The following RPS17 variants were observed in gnomAD, a reference collection of about 807,000 sequenced individuals.
RPS17 encodes small ribosomal subunit protein eS17.
For synonymous variants in RPS17, 75 were observed against 65.6 expected, an observed-to-expected ratio of 1.14 and a Z score of -0.70; for missense variants, 68 against 182.3, an observed-to-expected ratio of 0.37 and a Z score of 3.61.
At chr15:82,537,319 G>A (rs1274261088) in intron 4 of RPS17, 4 of 291,526 alleles carry the variant, frequency 1.4e-5, no homozygotes, top group East Asian at 8.2e-5. Context: ...CTATGAGAAC[G>A]AAAAATGTGT....
intron 1 of RPS17, 91 bp from the exon 2 acceptor site, chr15:82,540,223 C>G (rs1359948539): frequency 6.2e-7 from 1 of 1,610,544 alleles, no homozygotes; most frequent in Non-Finnish European, 8.5e-7. Context: ...GGTTGGGGAC[C>G]GCCGGCTGCG....
intron 2 of RPS17, 44 bp downstream of exon 2, chr15:82,539,937 A>C (rs1350291518): frequency 6.2e-7 from 1 of 1,611,790 alleles, no homozygotes; most frequent in Admixed American, 1.7e-5. Flanking sequence ...CAGAGCACAC[A>C]AACAGATCGC....
At chr15:82,537,229 A>G (rs1476194974) in intron 4 of RPS17, 5 of 412,540 alleles carry the variant, frequency 1.2e-5, no homozygotes, top group African/African-American at 1.0e-4. Context: ...TCTTTGTTAT[A>G]GGCAGCTGTA....
At chr15:82,539,371 T>G in intron 2 of RPS17, 2 of 467,538 alleles carry the variant, frequency 4.3e-6, no homozygotes, top group Non-Finnish European at 8.5e-6. Flanking sequence ...GAACAGTAAC[T>G]GCAACTGTGA....
At chr15:82,539,431 TAATCCCAGC>T in intron 2 of RPS17, 1 of 460,182 alleles carries the variant, frequency 2.2e-6, no homozygotes, top group South Asian at 1.5e-5. Context: ...CTCACGCCTG[TAATCCCAGC>T]AATTTGGGAG....
chr15:82,539,177 ACT>A (rs1304514581), intron 2 of RPS17, 192 bp from the exon 3 acceptor site: 7 of 703,948 alleles, frequency 9.9e-6, no homozygotes, highest in Non-Finnish European at 1.8e-5. Flanking sequence ...TTGGTTTCTC[ACT>A]CTCTATTCAA....
At chr15:82,539,234 G>T (rs2034297280) in intron 2 of RPS17, 1 of 532,266 alleles carries the variant, frequency 1.9e-6, no homozygotes, top group Non-Finnish European at 3.4e-6. Flanking sequence ...AACTCGCCCC[G>T]CCCCGCCCCG....
chr15:82,538,710 G>C (rs1392120712), intron 3 of RPS17, 170 bp downstream of exon 3: 2 of 745,322 alleles, frequency 2.7e-6, no homozygotes, highest in African/African-American at 3.5e-5. Context: ...GGTTCCAGAA[G>C]AGCAGAATGG....
chr15:82,539,597 G>C (rs1253527066), intron 2 of RPS17: 1 of 415,008 alleles, frequency 2.4e-6, no homozygotes, highest in Non-Finnish European at 4.7e-6. Context: ...GCTGAGGCAT[G>C]ACAATCGCTT....
At chr15:82,537,996 C>A in intron 4 of RPS17, 1 of 481,434 alleles carries the variant, frequency 2.1e-6, no homozygotes. Context: ...AGAAGAAAAG[C>A]AGGCAGATTC....
At chr15:82,539,468 G>A (rs2150888242) in intron 2 of RPS17, 4 of 458,504 alleles carry the variant, frequency 8.7e-6, no homozygotes, top group South Asian at 4.6e-5. Flanking sequence ...CGGGCGGATC[G>A]CTTGAGGTCA....
chr15:82,537,325 T>G (rs911895207), intron 4 of RPS17: 28 of 293,634 alleles, frequency 9.5e-5, no homozygotes, highest in Middle Eastern at 1.2e-3. Flanking sequence ...GAACGAAAAA[T>G]GTGTCTGGAC....
intron 4 of RPS17, 124 bp from the exon 5 acceptor site, chr15:82,537,005 C>T (rs2034251042): frequency 2.9e-6 from 3 of 1,025,306 alleles, no homozygotes; most frequent in Non-Finnish European, 3.1e-6. Context: ...CCTGAAGGAC[C>T]CTTTAAGAGC....
At position 82,539,995 on chromosome 15, in the gene RPS17, G is replaced by C; in HGVS notation, c.141C>G (p.Arg47=). The change falls in exon 2 of 5, where the codon CGC becomes CGG. Residue 47 remains arginine (R), a synonymous_variant. Coordinates refer to ENST00000647841, the MANE Select transcript of RPS17 (RefSeq NM_001021.6). The part of the protein sequence containing the change: ...EIAIIPSKKL[R]NKIAGYVTHL... ...GCCCGACTCACCCTGCTATCTTGTT[G>C]CGGAGCTTTTTGCTGGGGATAATGG... The C allele has an allele frequency of 6.2e-7, 1 of 1,612,126 alleles. No individual in the cohort carries two copies. Among genetic ancestry groups the C allele is most frequent in the Non-Finnish European group, 8.5e-7 (1 of 1,179,874 alleles).
chr15:82,539,201 T>C (rs952953870), intron 2 of RPS17: 1 of 677,786 alleles, frequency 1.5e-6, no homozygotes, highest in East Asian at 2.9e-5. Context: ...CTCTCCTTCA[T>C]GATGATCAAG....
rs1175573235 is a variant in RPS17, at chr15:82,536,922, G to C, written c.328-41C>G. On this transcript the variant is annotated intron_variant, in intron 4 of 4. Transcript: ENST00000647841. ...GGATTCAGTGAGCAGTTACTGGTGA[G>C]ATCTGTGAGTGGACCCCAGAAGAAA... The C allele has an allele frequency of 3.1e-6, 5 of 1,611,152 alleles. No individual in the cohort carries two copies. In the Admixed American group the frequency reaches 8.3e-5, roughly 27 times the overall value.
chr15:82,539,631 G>C (rs2034307592), intron 2 of RPS17: 1 of 420,354 alleles, frequency 2.4e-6, no homozygotes, highest in Non-Finnish European at 4.5e-6. Flanking sequence ...GGAGGTTGCA[G>C]TGAGCCGAGA....
intron 2 of RPS17, chr15:82,539,525 C>T: frequency 2.2e-6 from 1 of 451,852 alleles, no homozygotes; most frequent in Non-Finnish European, 4.4e-6. Context: ...CTGTTGTCTA[C>T]TAAAAATACA....
chr15:82,537,311 A>G (rs1478001524), intron 4 of RPS17: 11 of 294,564 alleles, frequency 3.7e-5, no homozygotes, highest in Non-Finnish European at 6.6e-5. Flanking sequence ...TCCCCTGGCT[A>G]TGAGAACGAA....
Sources: allele counts gnomAD v4.1 joint callset, GRCh38; gene constraint gnomAD v4.1.1; transcripts MANE v1.5; gene names NCBI Gene and HGNC (gene_info 2026-07-23, HGNC 2026-07-21).